KLRF1: variants seen among roughly 807,000 people sequenced by gnomAD.
The protein encoded by KLRF1 is killer cell lectin like receptor F1.
Under a neutral mutation model 30.7 loss-of-function variants are expected in KLRF1, and 27 were observed. That is an observed-to-expected ratio of 0.88 (90% confidence interval 0.65 to 1.21). KLRF1 has a LOEUF of 1.21. KLRF1 is among the 50% of genes most tolerant of loss of function. The pLI is 0.00. For synonymous variants in KLRF1, 92 were observed against 89.3 expected (o/e 1.03, Z -0.17); for missense variants, 246 against 259.3 (o/e 0.95, Z 0.35).
rs192917916 is a variant in KLRF1 at position 9,834,449 on chromosome 12, T to C, written c.334+997T>C. On this transcript the variant is annotated intron_variant, in intron 3 of 5. Transcript: ENST00000617889. ...GGTAGCATGGAGAGATAATGGGCGA[T>C]GTTTCTCAGGGCTTCTTCGAGCGGG... Among the ~76,000 whole-genome samples, 37 of 152,142 alleles carry C rather than the reference T, an allele frequency of 2.4e-4. 1 individual carries two copies. The East Asian group carries it at 5.2e-3, about 22-fold the overall frequency.
chr12:9,842,396 T>C lies in KLRF1; in HGVS notation c.550T>C (p.Trp184Arg), dbSNP rs760984311. 1 of 1,612,494 alleles carries C rather than the reference T, an allele frequency of 6.2e-7. No individual in the cohort carries two copies. Among genetic ancestry groups the C allele is most frequent in the Non-Finnish European group, 8.5e-7 (1 of 1,178,970 alleles). The change falls in exon 5 of 6, where the codon TGG becomes CGG. Residue 184 changes from tryptophan (W) to arginine (R), a missense_variant. Coordinates refer to ENST00000617889, the MANE Select transcript of KLRF1 (RefSeq NM_016523.3). ...GLNFTSLKMT[W>R]TWVDGSPIDS... ...TAACTTTACCTCCTTGAAAATGACATGGACTTGGGTGGATGGTTCTCCAAT... is the reference window on the plus strand; with the variant it reads ...TAACTTTACCTCCTTGAAAATGACACGGACTTGGGTGGATGGTTCTCCAAT...
At chr12:9,841,780 A>C (rs1248648735) in intron 3 of KLRF1, 32 bp from the exon 4 acceptor site, 11 of 1,555,658 alleles carry the variant, frequency 7.1e-6, no homozygotes, top group Non-Finnish European at 9.6e-6. Context: ...TATGTAATTT[A>C]ATTTCATTTT....
At chr12:9,844,307 T>C in intron 5 of KLRF1, 111 bp from the exon 6 acceptor site, 1 of 611,400 alleles carries the variant, frequency 1.6e-6, no homozygotes, top group Non-Finnish European at 2.9e-6. Flanking sequence ...TATGTAAAAA[T>C]GCTTTGAGAT....
chr12:9,833,332 A>G lies in KLRF1; in HGVS notation c.214A>G (p.Lys72Glu). 1 of 1,605,026 alleles carries G rather than the reference A, an allele frequency of 6.2e-7. No homozygotes were observed. Among genetic ancestry groups the G allele is most frequent in the Non-Finnish European group, 8.5e-7 (1 of 1,176,532 alleles). ...TCAGGGAGTATTGCTAAAATGCCAAAAAGGAAGTTGTTCAAATGCCACTCA... is the reference window on the plus strand; with the variant it reads ...TCAGGGAGTATTGCTAAAATGCCAAGAAGGAAGTTGTTCAAATGCCACTCA... ...VSQGVLLKCQ[K>E]GSCSNATQYE... Residue 72 changes from lysine to glutamate, a missense_variant, in exon 3 of 6, where the codon AAA becomes GAA. Lys to Glu is a moderately conservative substitution (Grantham distance 56, BLOSUM62 1). Coordinates refer to ENST00000617889, the MANE Select transcript of KLRF1 (RefSeq NM_016523.3).
chr12:9,810,943 C>T, the KLRF1 span, among the ~76,000 whole-genome samples: 1 of 152,078 alleles, frequency 6.6e-6, no homozygotes, highest in Non-Finnish European at 1.5e-5. Context: ...TGAACACTTT[C>T]AGTATGTGAG....
At chr12:9,843,854 C>T (rs988089553) in intron 5 of KLRF1, among the ~76,000 whole-genome samples, 5 of 152,050 alleles carry the variant, frequency 3.3e-5, no homozygotes, top group Admixed American at 1.3e-4. Flanking sequence ...TTCCACAGGT[C>T]AAACAAATTT....
the KLRF1 span, among the ~76,000 whole-genome samples, chr12:9,819,548 C>T: frequency 3.9e-5 from 6 of 152,042 alleles, no homozygotes; most frequent in East Asian, 5.8e-4. Flanking sequence ...GTTTTTTTCA[C>T]GTGGGTCTTG....
chr12:9,814,908 T>C, the KLRF1 span, among the ~76,000 whole-genome samples: 1 of 152,142 alleles, frequency 6.6e-6, no homozygotes, highest in Non-Finnish European at 1.5e-5. Context: ...AAGGAATAAG[T>C]TCTAGTGTTC....
At chr12:9,835,991 T>C (rs1340410538) in intron 3 of KLRF1, among the ~76,000 whole-genome samples, 1 of 151,898 alleles carries the variant, frequency 6.6e-6, no homozygotes, top group African/African-American at 2.4e-5. Context: ...TTCAGAGGTA[T>C]AGGGAGACAG....
At chr12:9,844,243 A>T (rs1409033401) in intron 5 of KLRF1, among the ~76,000 whole-genome samples, 175 bp from the exon 6 acceptor site, 1 of 152,186 alleles carries the variant, frequency 6.6e-6, no homozygotes, top group Non-Finnish European at 1.5e-5. Flanking sequence ...ACTCTTGACC[A>T]ACCACAGCTA....
At chr12:9,818,541 A>G in the KLRF1 span, among the ~76,000 whole-genome samples, 3 of 152,236 alleles carry the variant, frequency 2.0e-5, no homozygotes, top group Non-Finnish European at 4.4e-5. Context: ...GAAGCACTGT[A>G]GGCATAGAAG....
rs759252872 is a variant in KLRF1 at position 9,835,301 on chromosome 12, G to A, written c.334+1849G>A. 7.2e-5 allele frequency among the ~76,000 whole-genome samples: 11 copies of A among 152,162 alleles called. No individual in the cohort carries two copies. The South Asian group carries it at 2.3e-3, about 32-fold the overall frequency. On this transcript the variant is annotated intron_variant, in intron 3 of 5. Transcript: ENST00000617889. ...TGGAGATGCAAAGTAAAAAGATGAG[G>A]AGTGCTGAAAGGGGTGTCTTGTACC...
At chr12:9,831,619 A>G (rs1459913106) in intron 1 of KLRF1, among the ~76,000 whole-genome samples, 1 of 152,134 alleles carries the variant, frequency 6.6e-6, no homozygotes, top group Non-Finnish European at 1.5e-5. Context: ...TATTCATGTA[A>G]TTTCGTAAGT....
At chr12:9,838,717 C>T (rs1229251575) in intron 3 of KLRF1, among the ~76,000 whole-genome samples, 5 of 152,110 alleles carry the variant, frequency 3.3e-5, no homozygotes, top group Non-Finnish European at 5.9e-5. Context: ...TGTTTAAAGC[C>T]ACTACTAGAG....
the KLRF1 span, among the ~76,000 whole-genome samples, chr12:9,808,397 A>G: frequency 1.1e-4 from 16 of 152,178 alleles, no homozygotes; most frequent in Non-Finnish European, 2.2e-4. Context: ...TTTTCAGAAT[A>G]ACAGTGATTT....
At chr12:9,834,302 G>A (rs1867520347) in intron 3 of KLRF1, among the ~76,000 whole-genome samples, 1 of 152,038 alleles carries the variant, frequency 6.6e-6, no homozygotes, top group Non-Finnish European at 1.5e-5. Context: ...AGGTCACAGG[G>A]GATGCGATGG....
the KLRF1 span, among the ~76,000 whole-genome samples, chr12:9,804,582 G>A: frequency 6.6e-6 from 1 of 151,972 alleles, no homozygotes. Context: ...ACTTTAGGTT[G>A]TTGATTTTTT....
At chr12:9,820,787 G>C in the KLRF1 span, among the ~76,000 whole-genome samples, 1 of 152,184 alleles carries the variant, frequency 6.6e-6, no homozygotes, top group Admixed American at 6.5e-5. Context: ...TTGCAGCGGT[G>C]CTGCCTAATG....
At chr12:9,812,696 ATGTTCC>A in the KLRF1 span, among the ~76,000 whole-genome samples, 1 of 152,246 alleles carries the variant, frequency 6.6e-6, no homozygotes, top group South Asian at 2.1e-4. Context: ...AGTCTGTTTC[ATGTTCC>A]TTGGGGTATA....
Sources: gnomAD v4.1 joint callset for allele counts (sites outside exome capture counted in the v4.1 genomes callset) on GRCh38, gnomAD v4.1.1 for gene constraint, MANE v1.5 for transcripts, NCBI Gene and HGNC (gene_info 2026-07-23, HGNC 2026-07-21) for gene names.